The following BAP1 variants were observed in gnomAD, a reference collection of about 807,000 sequenced individuals.
BAP1 encodes BRCA1 associated deubiquitinase 1.
A neutral mutation model predicts 77.2 loss-of-function variants in BAP1; 16 were observed. That is an observed-to-expected ratio of 0.21 (90% CI 0.14 to 0.31). BAP1 has a LOEUF of 0.31. BAP1 is among the 10% of genes least tolerant of loss of function. The pLI is 1.00. For missense variants in BAP1, 699 were observed against 967.3 expected (o/e 0.72, Z 3.68); for synonymous variants, 362 against 385.2 (o/e 0.94, Z 0.71).
chr3:52,409,416 CAGAG>C (rs1705284077), intron 3 of BAP1, 134 bp downstream of exon 3: 4 of 1,202,210 alleles, frequency 3.3e-6, no homozygotes, highest in Admixed American at 3.4e-5. Context: ...AGCGGGCACT[CAGAG>C]AGCAAGGCTG....
At position 52,406,296 on chromosome 3, in the gene BAP1, A is replaced by G. The variant is rs2153227449; in HGVS notation, c.740T>C (p.Val247Ala). 6.2e-7 allele frequency: 1 copy of G among 1,614,190 alleles called. No homozygotes were observed. Among genetic ancestry groups the G allele is most frequent in the East Asian group, 2.2e-5 (1 of 44,894 alleles). Reference sequence around the variant, plus strand: ...TACTGTCTGACGGTTCACCTTCAGCACATGCAGCCTGGCCTCATACTTGAT... The same window carrying G: ...TACTGTCTGACGGTTCACCTTCAGCGCATGCAGCCTGGCCTCATACTTGAT... ...RRIKYEARLH[V>A]LKVNRQTVLE... Residue 247 changes from valine (V) to alanine (A), a missense_variant, in exon 9 of 17, where the codon GTG becomes GCG. By Grantham distance (64) the Val-to-Ala change is moderately conservative. Around this residue, in one of 3 missense-constraint regions of BAP1, gnomAD observed 475 missense variants for 532.4 expected, o/e 0.89. Coordinates refer to ENST00000460680, the MANE Select transcript of BAP1 (RefSeq NM_004656.4). This position sits in a 1 kb window ranked among gnomAD's most constrained non-coding sequence, Gnocchi z 4.6.
Position 52,402,064 on chromosome 3 carries a change from G to T in BAP1, c.*224C>A. On this transcript the variant is annotated 3_prime_UTR_variant, in exon 17 of 17. Coordinates refer to ENST00000460680, the MANE Select transcript of BAP1 (RefSeq NM_004656.4). The surrounding 1 kb of genome is among the most constrained non-coding windows in gnomAD (Gnocchi z 5.3). ...GGAGGAAGCTGCAGTACCTCGCTGT[G>T]CCCCAACTCCAGATGCTGCCTCCTG... The T allele has an allele frequency of 1.3e-6, 1 of 745,074 alleles. No homozygotes were observed. Among genetic ancestry groups the T allele is most frequent in the Non-Finnish European group, 2.1e-6 (1 of 469,238 alleles). The allele number at this position is 745,074 out of a possible 1,614,324, so 46.2% of individuals were successfully genotyped here.
intron 7 of BAP1, 115 bp downstream of exon 7, chr3:52,407,059 G>T (rs1398965014): frequency 9.6e-6 from 15 of 1,558,434 alleles, no homozygotes; most frequent in Non-Finnish European, 1.2e-5. Context: ...GCCAGAGCCG[G>T]GTGTCGGTAC....
In BAP1 at chr3:52,409,818, T is replaced by A. The variant is rs747938316; in HGVS notation, c.37+24A>T. The A allele has an allele frequency of 2.5e-6, 4 of 1,612,874 alleles. No individual in the cohort carries two copies. Among genetic ancestry groups the A allele is most frequent in the Non-Finnish European group, 3.4e-6 (4 of 1,179,914 alleles). On this transcript the variant is annotated intron_variant, in intron 1 of 16. Coordinates refer to ENST00000460680, the MANE Select transcript of BAP1 (RefSeq NM_004656.4). The stretch of plus-strand genomic sequence containing the variant: ...GGGCCCATCCGGCCTCCCCAGCCCC[T>A]GGCCCTCCCGGTCCCCTCCTCACCT...
In BAP1 at chr3:52,406,800, G is replaced by C. The variant is rs756270701; in HGVS notation, c.659+29C>G. On this transcript the variant is annotated intron_variant, in intron 8 of 16. Transcript: ENST00000460680. The surrounding 1 kb of genome is among the most constrained non-coding windows in gnomAD (Gnocchi z 4.6). ...CCCAAAGTAGGTACAGCTCCAGAGA[G>C]TAGAACAGGGCAGGCACAGGGCCCT... The C allele has an allele frequency of 6.4e-7, 1 of 1,551,176 alleles. No homozygotes were observed. Among genetic ancestry groups the C allele is most frequent in the Non-Finnish European group, 8.7e-7 (1 of 1,146,294 alleles).
At chr3:52,405,357 T>G (rs1438302976) in intron 10 of BAP1, 63 bp from the exon 11 acceptor site, 1 of 1,598,168 alleles carries the variant, frequency 6.3e-7, no homozygotes, top group African/African-American at 1.3e-5. Flanking sequence ...GCTCACAGTC[T>G]CCCCGGCCCT....
intron 12 of BAP1, among the ~76,000 whole-genome samples, chr3:52,404,174 TCTC>T (rs1353616131): frequency 1.3e-5 from 2 of 152,012 alleles, no homozygotes; most frequent in Admixed American, 6.5e-5. Flanking sequence ...ACCACCCACA[TCTC>T]CTCCATCCCT....
chr3:52,403,382 C>G lies in BAP1; in HGVS notation c.1729+34G>C, dbSNP rs753102446. 1 of 1,612,338 alleles carries G rather than the reference C, an allele frequency of 6.2e-7. No homozygotes were observed. The highest frequency in any genetic ancestry group is 1.1e-5 in the South Asian group (1 of 91,050). The stretch of plus-strand genomic sequence containing the variant: ...CCACTTCCCTCCTCCCTCCTGGGTG[C>G]ACCAAGTGGCCAGTGAGCCAGTCCA... On this transcript the variant is annotated intron_variant, in intron 13 of 16. Coordinates refer to ENST00000460680, the MANE Select transcript of BAP1 (RefSeq NM_004656.4). The surrounding 1 kb of genome is among the most constrained non-coding windows in gnomAD (Gnocchi z 4.0).
In BAP1 at chr3:52,403,737, C is replaced by A; in HGVS notation, c.1408G>T (p.Gly470Trp). The A allele has an allele frequency of 6.2e-7, 1 of 1,614,024 alleles. No homozygotes were observed. Among genetic ancestry groups the A allele is most frequent in the South Asian group, 1.1e-5 (1 of 91,088 alleles). ...ACTGCCACAGCCGGACTCCCAGCCCCGCTGCTAGTCTTGATGGACAGAGGA... is the reference window on the plus strand; with the variant it reads ...ACTGCCACAGCCGGACTCCCAGCCCAGCTGCTAGTCTTGATGGACAGAGGA... ...SIPLSIKTSS[G>W]AGSPAVAVPT... Residue 470 changes from glycine to tryptophan, a missense_variant, in exon 13 of 17, where the codon GGG becomes TGG. By Grantham distance (184) the Gly-to-Trp change is radical (BLOSUM62 -2). Around this residue, in one of 3 missense-constraint regions of BAP1, gnomAD observed 475 missense variants for 532.4 expected, o/e 0.89. Transcript: ENST00000460680. This position sits in a 1 kb window ranked among gnomAD's most constrained non-coding sequence, Gnocchi z 4.0.
chr3:52,402,228 G>T lies in BAP1; in HGVS notation c.*60C>A. 6.3e-7 allele frequency: 1 copy of T among 1,576,820 alleles called. No homozygotes were observed. On this transcript the variant is annotated 3_prime_UTR_variant, in exon 17 of 17. Coordinates refer to ENST00000460680, the MANE Select transcript of BAP1 (RefSeq NM_004656.4). The surrounding 1 kb of genome is among the most constrained non-coding windows in gnomAD (Gnocchi z 5.3). Reference sequence around the variant, plus strand: ...CTGGGAAAAGGGGAAGTGGGGCAGGGAAGGACCCTGGTGAGGGCCACACGG... The same window carrying T: ...CTGGGAAAAGGGGAAGTGGGGCAGGTAAGGACCCTGGTGAGGGCCACACGG...
At position 52,402,244 on chromosome 3, in the gene BAP1, G is replaced by A. The variant is rs1704978512; in HGVS notation, c.*44C>T. The A allele has an allele frequency of 6.3e-7, 1 of 1,590,298 alleles. No homozygotes were observed. Among genetic ancestry groups the A allele is most frequent in the Non-Finnish European group, 8.5e-7 (1 of 1,170,854 alleles). ...TGGGGCAGGGAAGGACCCTGGTGAG[G>A]GCCACACGGCAAGAGTGGGCTGCAG... On this transcript the variant is annotated 3_prime_UTR_variant, in exon 17 of 17. Transcript: ENST00000460680. This position sits in a 1 kb window ranked among gnomAD's most constrained non-coding sequence, Gnocchi z 5.3.
At position 52,408,456 on chromosome 3, in the gene BAP1, G is replaced by A. The variant is rs1705234340; in HGVS notation, c.255+18C>T. 1 of 1,609,400 alleles carries A rather than the reference G, an allele frequency of 6.2e-7. No homozygotes were observed. The highest frequency in any genetic ancestry group is 8.5e-7 in the Non-Finnish European group (1 of 1,177,814). On this transcript the variant is annotated intron_variant, in intron 4 of 16. Transcript: ENST00000460680. ...GGCAGCATCCCACCCTCCAAACAAA[G>A]CACAGAGTCCAGCAGACCTGGTGGG...
In BAP1 at chr3:52,404,605, C is replaced by A. The variant is rs1377217946; in HGVS notation, c.1117-19G>T. ...CTTCCTCCTGGGACAAAGACCAGGG[C>A]AGTTACAAACAAGTGCTGCTCGGCC... On this transcript the variant is annotated intron_variant, in intron 11 of 16. Coordinates refer to ENST00000460680, the MANE Select transcript of BAP1 (RefSeq NM_004656.4). The A allele has an allele frequency of 6.2e-7, 1 of 1,609,666 alleles. No homozygotes were observed. Among genetic ancestry groups the A allele is most frequent in the African/African-American group, 1.3e-5 (1 of 74,892 alleles).
intron 10 of BAP1, 121 bp downstream of exon 10, chr3:52,405,644 G>C: frequency 2.0e-6 from 3 of 1,468,406 alleles, no homozygotes; most frequent in Non-Finnish European, 2.8e-6. Flanking sequence ...TCTACCTTCT[G>C]ACGGGGGAAG....
At position 52,402,826 on chromosome 3, in the gene BAP1, A is replaced by C. The variant is rs1457881671; in HGVS notation, c.1936T>G (p.Tyr646Asp). 6.2e-7 allele frequency: 1 copy of C among 1,614,178 alleles called. No individual in the cohort carries two copies. Among genetic ancestry groups the C allele is most frequent in the South Asian group, 1.1e-5 (1 of 91,088 alleles). ...LKCVEAEIAN[Y>D]EACLKEEVEK... ...ACCTCCTCCTTGAGGCACGCCTCATAGTTTGCAATCTCAGCCTCCACACAC... is the reference window on the plus strand; with the variant it reads ...ACCTCCTCCTTGAGGCACGCCTCATCGTTTGCAATCTCAGCCTCCACACAC... The change falls in exon 15 of 17, where the codon TAT becomes GAT. Residue 646 changes from tyrosine to aspartate, a missense_variant. By Grantham distance (160) the Tyr-to-Asp change is radical. Coordinates refer to ENST00000460680, the MANE Select transcript of BAP1 (RefSeq NM_004656.4). The surrounding 1 kb of genome is among the most constrained non-coding windows in gnomAD (Gnocchi z 5.3).
intron 12 of BAP1, 66 bp downstream of exon 12, chr3:52,404,387 G>A (rs1260031351): frequency 1.4e-5 from 23 of 1,611,502 alleles, no homozygotes; most frequent in Non-Finnish European, 2.0e-5. Context: ...CTCAGACACA[G>A]ACTGAGATAT....
At position 52,402,555 on chromosome 3, in the gene BAP1, G is replaced by A. The variant is rs376866662; in HGVS notation, c.2056+47C>T. The stretch of plus-strand genomic sequence containing the variant: ...CCAGGGGAGGGGAGCTGAAGGACAC[G>A]GCCCTCAGCAGGGCATTCCAGTTAA... On this transcript the variant is annotated intron_variant, in intron 16 of 16. Coordinates refer to ENST00000460680, the MANE Select transcript of BAP1 (RefSeq NM_004656.4). The surrounding 1 kb of genome is among the most constrained non-coding windows in gnomAD (Gnocchi z 5.3). 1.3e-4 allele frequency: 205 copies of A among 1,612,206 alleles called. No individual in the cohort carries two copies. Among genetic ancestry groups the A allele is most frequent in the Non-Finnish European group, 1.6e-4 (191 of 1,178,464 alleles).
chr3:52,404,861 C>T (rs1301572936), intron 11 of BAP1, among the ~76,000 whole-genome samples: 1 of 152,176 alleles, frequency 6.6e-6, no homozygotes, highest in Non-Finnish European at 1.5e-5. Flanking sequence ...TACCAAGGAG[C>T]GTGACCTAAA....
In BAP1 at chr3:52,403,073, G is replaced by C; in HGVS notation, c.1890+65C>G. 6.2e-7 allele frequency: 1 copy of C among 1,603,342 alleles called. No homozygotes were observed. Among genetic ancestry groups the C allele is most frequent in the Non-Finnish European group, 8.5e-7 (1 of 1,178,310 alleles). On this transcript the variant is annotated intron_variant, in intron 14 of 16. Coordinates refer to ENST00000460680, the MANE Select transcript of BAP1 (RefSeq NM_004656.4). The surrounding 1 kb of genome is among the most constrained non-coding windows in gnomAD (Gnocchi z 4.0). ...GTTCCAATCAAGAACTTGGCACCTG[G>C]GCAGGAGGAGCTCAGGCCTTACCCT... is the stretch of plus-strand genomic sequence containing the variant.
Sources: gnomAD v4.1 joint callset for allele counts (sites outside exome capture counted in the v4.1 genomes callset) on GRCh38, gnomAD v4.1.1 for gene constraint, gnomAD v4.1.1 regional missense constraint, Gnocchi (gnomAD v3.1) non-coding constraint, MANE v1.5 for transcripts, NCBI Gene and HGNC (gene_info 2026-07-23, HGNC 2026-07-21) for gene names.